Variants in DOCK5 observed in about 807,000 individuals in gnomAD.
DOCK5 encodes dedicator of cytokinesis 5, also known as dedicator of cytokinesis protein 5.
DOCK5 carries 142 observed loss-of-function variants against 251.8 expected under a neutral mutation model. The observed-to-expected ratio is 0.56, with a 90% CI of 0.49 to 0.65. The LOEUF (loss-of-function observed/expected upper bound fraction) is 0.65. Ranked by LOEUF, DOCK5 falls within the 30% of genes least tolerant of loss-of-function variation. DOCK5 has a pLI of 0.00. For synonymous variants in DOCK5, 842 were observed against 835.5 expected (o/e 1.01, Z -0.13); for missense variants, 2,111 against 2,312.3 (o/e 0.91, Z 1.79).
At chr8:25,370,192 C>A (rs1041270955) in intron 34 of DOCK5, among the ~76,000 whole-genome samples, 2 of 152,186 alleles carry the variant, frequency 1.3e-5, no homozygotes, top group East Asian at 3.9e-4. Context: ...TCACCTATAA[C>A]CCTCTTGCCC....
intron 2 of DOCK5, among the ~76,000 whole-genome samples, chr8:25,264,153 A>C (rs1274246069): frequency 6.6e-6 from 1 of 151,692 alleles, no homozygotes; most frequent in Non-Finnish European, 1.5e-5. Flanking sequence ...GCTTGAGTCC[A>C]GGAGTCCGAG....
intron 1 of DOCK5, among the ~76,000 whole-genome samples, chr8:25,208,017 G>A (rs1035629669): frequency 2.0e-5 from 3 of 152,184 alleles, no homozygotes; most frequent in African/African-American, 7.2e-5. Context: ...GGAAGAAATT[G>A]ATTCCAATTC....
rs1339977361 is a variant in DOCK5, at chr8:25,308,648, G to C, written c.1050-135G>C. On this transcript the variant is annotated intron_variant, in intron 11 of 51. Transcript: ENST00000276440. Reference sequence around the variant, plus strand: ...GATGACACAAAATGGAAAAATAAAGGAAAGATAGAAAGATAGGGGTACTTA... The same window carrying C: ...GATGACACAAAATGGAAAAATAAAGCAAAGATAGAAAGATAGGGGTACTTA... 5.5e-6 allele frequency: 5 copies of C among 911,452 alleles called. No homozygotes were observed. The African/African-American group carries it at 8.4e-5, about 15-fold the overall frequency. The allele number at this position is 911,452 out of a possible 1,614,324, so 56.5% of individuals were successfully genotyped here.
chr8:25,307,937 T>A (rs1476804998), intron 11 of DOCK5, among the ~76,000 whole-genome samples: 1 of 152,208 alleles, frequency 6.6e-6, no homozygotes, highest in Non-Finnish European at 1.5e-5. Flanking sequence ...TGCAAGTCCA[T>A]TTAGAGAGAA....
intron 11 of DOCK5, among the ~76,000 whole-genome samples, chr8:25,308,246 T>C (rs1804998709): frequency 6.6e-6 from 1 of 152,136 alleles, no homozygotes; most frequent in African/African-American, 2.4e-5. Context: ...AGATCTAGCT[T>C]GTCATCACAT....
At chr8:25,253,109 C>A (rs1029018437) in intron 2 of DOCK5, among the ~76,000 whole-genome samples, 1 of 152,182 alleles carries the variant, frequency 6.6e-6, no homozygotes, top group African/African-American at 2.4e-5. Context: ...CAGGTATGAA[C>A]CACCAACCCT....
intron 1 of DOCK5, among the ~76,000 whole-genome samples, chr8:25,226,462 C>T (rs2117509823): frequency 6.6e-6 from 1 of 151,718 alleles, no homozygotes; most frequent in Admixed American, 6.6e-5. Flanking sequence ...CGGGGTTTCG[C>T]CATGTTGGCC....
At chr8:25,386,186 G>A (rs1165840155) in intron 40 of DOCK5, among the ~76,000 whole-genome samples, 1 of 152,212 alleles carries the variant, frequency 6.6e-6, no homozygotes, top group East Asian at 1.9e-4. Flanking sequence ...TGGAACTCAA[G>A]TGAAGTTACA....
rs140865121 is a variant in DOCK5 at position 25,321,007 on chromosome 8, C to T, written c.1570C>T (p.Arg524Cys). The change falls in exon 16 of 52, where the codon CGC (arginine) becomes TGC (cysteine). Residue 524 changes from arginine (R) to cysteine (C), a missense_variant. This residue lies in a region of DOCK5 where 1,717 missense variants were observed against 1,892.4 expected (regional missense o/e 0.91). Coordinates refer to ENST00000276440, the MANE Select transcript of DOCK5 (RefSeq NM_024940.8). ...KVSIAIEEVT[R>C]CHIRFTFRHR... is the part of the protein sequence containing the mutation. ...ATCCATTGCTATAGAAGAAGTCACA[C>T]GCTGTCATATAAGATTTACCTTCCG... is the stretch of plus-strand genomic sequence containing the variant. 1.0e-4 allele frequency: 162 copies of T among 1,613,484 alleles called. 1 individual carries two copies. Among genetic ancestry groups the T allele is most frequent in the East Asian group, 1.0e-3 (45 of 44,876 alleles).
chr8:25,341,088 C>A, intron 23 of DOCK5, 100 bp downstream of exon 23: 1 of 784,854 alleles, frequency 1.3e-6, no homozygotes, highest in South Asian at 1.7e-5. Flanking sequence ...CAAAGTGAAT[C>A]ATGGTTCATG....
intron 2 of DOCK5, among the ~76,000 whole-genome samples, chr8:25,248,598 C>T (rs1803180349): frequency 6.6e-6 from 1 of 152,062 alleles, no homozygotes; most frequent in Admixed American, 6.6e-5. Context: ...TGAATCCACC[C>T]AGACATGAAA....
At position 25,332,298 on chromosome 8, in the gene DOCK5, A is replaced by G; in HGVS notation, c.1951A>G (p.Lys651Glu). Residue 651 changes from lysine (K) to glutamate (E), a missense_variant, in exon 19 of 52, where the codon AAA becomes GAA. Transcript: ENST00000276440. ...LNWRSNSQNI[K>E]HNLKKLMEVD... ...TTGGCGTTCCAACTCCCAGAACATT[A>G]AACACAACCTAAAGAAGTTAATGGA... The G allele has an allele frequency of 5.6e-6, 9 of 1,613,610 alleles. No homozygotes were observed. The highest frequency in any genetic ancestry group is 7.6e-6 in the Non-Finnish European group (9 of 1,179,694).
intron 5 of DOCK5, among the ~76,000 whole-genome samples, chr8:25,286,841 T>C (rs934553268): frequency 3.9e-5 from 6 of 152,036 alleles, no homozygotes; most frequent in African/African-American, 1.4e-4. Flanking sequence ...TTTTTTATTT[T>C]TTGTAGAGAC....
intron 1 of DOCK5, among the ~76,000 whole-genome samples, chr8:25,241,217 C>A (rs1449347976): frequency 6.6e-6 from 1 of 152,192 alleles, no homozygotes; most frequent in Non-Finnish European, 1.5e-5. Context: ...TGGCTCACGC[C>A]TGTAATCCCA....
chr8:25,339,120 C>T (rs920575773), intron 22 of DOCK5, among the ~76,000 whole-genome samples: 2 of 152,068 alleles, frequency 1.3e-5, no homozygotes, highest in Non-Finnish European at 2.9e-5. Flanking sequence ...ATTTAATGGT[C>T]ACTTCAGTGC....
chr8:25,245,541 C>CTTT (rs572702332), intron 2 of DOCK5, among the ~76,000 whole-genome samples: 4 of 132,400 alleles, frequency 3.0e-5, no homozygotes, highest in African/African-American at 8.3e-5. Context: ...GTGCAAAGTT[C>CTTT]TTTTTTTTTT....
At chr8:25,371,785 T>G (rs545707901) in intron 34 of DOCK5, among the ~76,000 whole-genome samples, 2 of 152,352 alleles carry the variant, frequency 1.3e-5, no homozygotes, top group East Asian at 3.9e-4. Flanking sequence ...CCTAGATCAC[T>G]AACTTAGAAA....
At chr8:25,244,811 A>G (rs1438375585) in intron 2 of DOCK5, among the ~76,000 whole-genome samples, 1 of 152,212 alleles carries the variant, frequency 6.6e-6, no homozygotes, top group East Asian at 1.9e-4. Flanking sequence ...AGTTTTTGGC[A>G]GAGGGCTGGG....
chr8:25,225,864 AAG>A (rs546578018), intron 1 of DOCK5, among the ~76,000 whole-genome samples: 45 of 152,270 alleles, frequency 3.0e-4, no homozygotes, highest in Middle Eastern at 3.4e-3. Context: ...CCAAAGTAAA[AAG>A]GGAGTTACCA....
Sources: gnomAD v4.1 joint callset for allele counts (sites outside exome capture counted in the v4.1 genomes callset) on GRCh38, gnomAD v4.1.1 for gene constraint, gnomAD v4.1.1 regional missense constraint, MANE v1.5 for transcripts, NCBI Gene and HGNC (gene_info 2026-07-23, HGNC 2026-07-21) for gene names.